Variants in KCNH8 observed in about 807,000 individuals in gnomAD.
KCNH8 encodes the protein potassium voltage-gated channel subfamily H member 8, also known as voltage-gated delayed rectifier potassium channel KCNH8.
A neutral mutation model predicts 103.6 loss-of-function variants in KCNH8; 70 were observed. That is an observed-to-expected ratio of 0.68 (90% CI 0.56 to 0.82). The LOEUF (loss-of-function observed/expected upper bound fraction) is 0.82. Ranked by LOEUF, KCNH8 falls within the 40% of genes least tolerant of loss-of-function variation. The probability of loss-of-function intolerance (pLI) is 0.00; values close to 1 mark genes in which losing one functional copy is unlikely to be tolerated. For synonymous variants in KCNH8, 498 were observed against 489.4 expected (o/e 1.02, Z -0.23); for missense variants, 1,217 against 1,329.9 (o/e 0.92, Z 1.32).
chr3:19,157,715 G>C (rs1232911544), intron 1 of KCNH8, among the ~76,000 whole-genome samples: 1 of 151,880 alleles, frequency 6.6e-6, no homozygotes, highest in Non-Finnish European at 1.5e-5. Context: ...TATAATTGAA[G>C]TTCAGAATTT....
rs374098927 is a variant in KCNH8, at chr3:19,514,824, T to C, written c.2436-498T>C. 2.6e-4 allele frequency among the ~76,000 whole-genome samples: 40 copies of C among 151,970 alleles called. 1 individual carries two copies. In the South Asian group the frequency reaches 8.3e-3, roughly 31 times the overall value. On this transcript the variant is annotated intron_variant, in intron 13 of 15. Coordinates refer to ENST00000328405, the MANE Select transcript of KCNH8 (RefSeq NM_144633.3). ...AACATGAATTTAGGTCAGAGGACTT[T>C]TGTACCATACCTTAAAGTTTTGAAT...
chr3:19,308,966 A>G (rs572493995), intron 3 of KCNH8, among the ~76,000 whole-genome samples: 4 of 151,812 alleles, frequency 2.6e-5, no homozygotes, highest in South Asian at 4.1e-4. Flanking sequence ...ACACACACCA[A>G]TTAGTAAGGA....
chr3:19,463,062 A>G (rs2067666428), intron 11 of KCNH8, among the ~76,000 whole-genome samples: 2 of 152,182 alleles, frequency 1.3e-5, no homozygotes, highest in Admixed American at 1.3e-4. Context: ...TATAACAACT[A>G]TTTACATAGA....
intron 1 of KCNH8, among the ~76,000 whole-genome samples, chr3:19,156,960 A>G (rs959819170): frequency 6.6e-6 from 1 of 150,464 alleles, no homozygotes; most frequent in Admixed American, 6.6e-5. Context: ...TCTCAAGTCT[A>G]TAAAGCTTTT....
intron 11 of KCNH8, among the ~76,000 whole-genome samples, chr3:19,508,972 T>C (rs1009060486): frequency 6.6e-6 from 1 of 152,194 alleles, no homozygotes; most frequent in Non-Finnish European, 1.5e-5. Flanking sequence ...CTGAATCCCA[T>C]TGTCATGTTC....
At position 19,524,461 on chromosome 3, in the gene KCNH8, A is replaced by G. The variant is rs1176759609; in HGVS notation, c.2619+6387A>G. On this transcript the variant is annotated intron_variant, in intron 15 of 15. Transcript: ENST00000328405. ...TTTTAACCTGGAATGTTTCCAACTAATTTATGTTTTGTAGAACTCCTTTTG... is the reference window on the plus strand; with the variant it reads ...TTTTAACCTGGAATGTTTCCAACTAGTTTATGTTTTGTAGAACTCCTTTTG... Among the ~76,000 whole-genome samples the G allele has an allele frequency of 2.0e-5, 3 of 151,962 alleles. No individual in the cohort carries two copies. In the East Asian group the frequency reaches 5.8e-4, roughly 29 times the overall value.
intron 15 of KCNH8, among the ~76,000 whole-genome samples, chr3:19,524,677 C>T (rs1466530452): frequency 6.6e-6 from 1 of 151,836 alleles, no homozygotes; most frequent in African/African-American, 2.4e-5. Context: ...TGGTTGTTTT[C>T]GTCCTCTTTG....
chr3:19,495,288 G>A (rs1322920779), intron 11 of KCNH8, among the ~76,000 whole-genome samples: 3 of 152,078 alleles, frequency 2.0e-5, no homozygotes, highest in African/African-American at 4.8e-5. Flanking sequence ...TGTCCAGAAT[G>A]GTATTGCCTA....
chr3:19,518,211 C>T, intron 15 of KCNH8, 137 bp downstream of exon 15: 1 of 624,040 alleles, frequency 1.6e-6, no homozygotes. Context: ...CTCTGCTCTG[C>T]CTCATGTAAG....
At position 19,466,815 on chromosome 3, in the gene KCNH8, C is replaced by T. The variant is rs182400094; in HGVS notation, c.2040+9833C>T. On this transcript the variant is annotated intron_variant, in intron 11 of 15. Transcript: ENST00000328405. ...TAGCTGGGATTACAGGCATGTGCCA[C>T]CCTGCCTGGCTAATTTTGTATTTTT... Among the ~76,000 whole-genome samples, 642 of 151,824 alleles carry T rather than the reference C, an allele frequency of 4.2e-3. 5 individuals are homozygous for T. Among genetic ancestry groups the T allele is most frequent in the Non-Finnish European group, 7.4e-3 (501 of 67,906 alleles).
chr3:19,274,482 A>G (rs1297307341), intron 2 of KCNH8, among the ~76,000 whole-genome samples: 1 of 152,006 alleles, frequency 6.6e-6, no homozygotes, highest in Non-Finnish European at 1.5e-5. Context: ...GTACATGGAA[A>G]CTCCTTTCAA....
rs552930576 is a variant in KCNH8, at chr3:19,166,887, C to A, written c.76+18092C>A. On this transcript the variant is annotated intron_variant, in intron 1 of 15. Transcript: ENST00000328405. ...AGTCATCAATGTGAGCTATTTGACC[C>A]AAGGTGACAAGGCCACTAGTGGTTA... Among the ~76,000 whole-genome samples the A allele has an allele frequency of 3.9e-5, 6 of 152,136 alleles. No homozygotes were observed. The East Asian group carries it at 1.2e-3, about 29-fold the overall frequency.
intron 7 of KCNH8, among the ~76,000 whole-genome samples, chr3:19,398,352 G>T (rs2066556439): frequency 6.6e-6 from 1 of 151,964 alleles, no homozygotes; most frequent in South Asian, 2.1e-4. Flanking sequence ...AGGCTTCTCA[G>T]AGATGACCTG....
chr3:19,168,416 A>G (rs2063306745), intron 1 of KCNH8, among the ~76,000 whole-genome samples: 3 of 152,182 alleles, frequency 2.0e-5, no homozygotes, highest in Admixed American at 2.0e-4. Context: ...TGACTTTTCT[A>G]CTAAACATCA....
At chr3:19,422,486 A>C (rs1161514456) in intron 7 of KCNH8, among the ~76,000 whole-genome samples, 2 of 152,096 alleles carry the variant, frequency 1.3e-5, no homozygotes, top group African/African-American at 4.8e-5. Context: ...TCAGCAAACA[A>C]GAAGGGATTT....
intron 5 of KCNH8, among the ~76,000 whole-genome samples, chr3:19,370,944 A>T (rs907118548): frequency 1.3e-5 from 2 of 151,886 alleles, no homozygotes; most frequent in African/African-American, 4.8e-5. Context: ...TGAACTCATC[A>T]TTTTTTATGG....
At chr3:19,525,140 A>G (rs899268783) in intron 15 of KCNH8, among the ~76,000 whole-genome samples, 1 of 151,962 alleles carries the variant, frequency 6.6e-6, no homozygotes, top group African/African-American at 2.4e-5. Context: ...CAACTTAGTC[A>G]TTCCACAATG....
intron 1 of KCNH8, among the ~76,000 whole-genome samples, chr3:19,201,522 A>G (rs2063662859): frequency 6.6e-6 from 1 of 152,066 alleles, no homozygotes; most frequent in Admixed American, 6.6e-5. Flanking sequence ...GATCATAGTG[A>G]CAGAGTGGGG....
intron 7 of KCNH8, among the ~76,000 whole-genome samples, chr3:19,397,403 A>T (rs1026664454): frequency 2.6e-5 from 4 of 151,766 alleles, no homozygotes; most frequent in Non-Finnish European, 4.4e-5. Context: ...ACAATGTGAA[A>T]AAGCTCACCA....
Sources: gnomAD v4.1 joint callset for allele counts (sites outside exome capture counted in the v4.1 genomes callset) on GRCh38, gnomAD v4.1.1 for gene constraint, MANE v1.5 for transcripts, NCBI Gene and HGNC (gene_info 2026-07-23, HGNC 2026-07-21) for gene names.